Variants in TENM1 observed in about 807,000 individuals in gnomAD.
TENM1 encodes teneurin transmembrane protein 1.
In TENM1, 35 loss-of-function variants were observed where a neutral mutation model predicts 174.8. The observed-to-expected ratio is 0.20, with a 90% CI of 0.15 to 0.27. The LOEUF (loss-of-function observed/expected upper bound fraction) is 0.27. Among genes scored for constraint, TENM1 ranks in the 10% least tolerant of loss-of-function variants. The pLI, the probability that TENM1 is intolerant of heterozygous loss-of-function variation, is 1.00. For missense variants in TENM1, 1,633 were observed against 2,130.1 expected, an observed-to-expected ratio of 0.77 and a Z score of 4.59; for synonymous variants, 781 against 798.7, an observed-to-expected ratio of 0.98 and a Z score of 0.37.
chrX:124,924,149 C>T (rs969037894), intron 1 of TENM1, among the ~76,000 whole-genome samples: 1 of 111,896 alleles, frequency 8.9e-6, no homozygotes. Flanking sequence ...TTTCCATTTC[C>T]TTGTTTAATT....
chrX:125,096,791 C>G, the TENM1 span, among the ~76,000 whole-genome samples: 3 of 110,137 alleles, frequency 2.7e-5, no homozygotes, highest in Admixed American at 2.9e-4. Flanking sequence ...GTTATCCAGA[C>G]CTAACAAACA....
the TENM1 span, among the ~76,000 whole-genome samples, chrX:124,984,521 T>A: frequency 8.9e-6 from 1 of 112,150 alleles, no homozygotes; most frequent in Non-Finnish European, 1.9e-5. Flanking sequence ...TGGAGAGTGC[T>A]TTCCTTTGTT....
chrX:124,814,912 A>G (rs2055864604), intron 3 of TENM1, among the ~76,000 whole-genome samples: 1 of 112,012 alleles, frequency 8.9e-6, no homozygotes, highest in South Asian at 3.7e-4. Context: ...ACAGTATTTA[A>G]CATTTTCACT....
chrX:124,743,861 T>C (rs12390617), intron 3 of TENM1, among the ~76,000 whole-genome samples: 1,576 of 112,023 alleles, frequency 0.014, 19 homozygotes, highest in African/African-American at 0.047. Context: ...CTGATACTCA[T>C]CTTTAGAGGG....
chrX:124,564,802 G>C (rs1265868917), intron 12 of TENM1, among the ~76,000 whole-genome samples: 2 of 111,342 alleles, frequency 1.8e-5, no homozygotes, highest in East Asian at 5.6e-4. Flanking sequence ...TGTGAAATTA[G>C]CAATAAGGGG....
chrX:124,686,608 G>A (rs2052371486), intron 5 of TENM1, among the ~76,000 whole-genome samples: 1 of 111,586 alleles, frequency 9.0e-6, no homozygotes, highest in South Asian at 3.8e-4. Flanking sequence ...ATGCAAGGCT[G>A]GTTCAATATA....
intron 22 of TENM1, among the ~76,000 whole-genome samples, chrX:124,460,203 T>C (rs1195173040): frequency 1.8e-5 from 2 of 111,664 alleles, no homozygotes; most frequent in Non-Finnish European, 3.8e-5. Flanking sequence ...AGAAATACCA[T>C]TGGACCCAGC....
intron 3 of TENM1, among the ~76,000 whole-genome samples, chrX:124,764,295 G>C (rs2054489039): frequency 9.0e-6 from 1 of 111,667 alleles, no homozygotes; most frequent in Non-Finnish European, 1.9e-5. Flanking sequence ...GAACCAATTA[G>C]GTACCTTTTT....
At chrX:125,032,188 A>G in the TENM1 span, among the ~76,000 whole-genome samples, 1 of 104,022 alleles carries the variant, frequency 9.6e-6, no homozygotes, top group South Asian at 4.3e-4. Flanking sequence ...TTTTTTTTTG[A>G]GACGAAGTTT....
chrX:124,751,781 G>T (rs1181494655), intron 3 of TENM1, among the ~76,000 whole-genome samples: 2 of 107,315 alleles, frequency 1.9e-5, no homozygotes, highest in Non-Finnish European at 3.9e-5. Context: ...TGAGAATGAT[G>T]ATTTCCAATT....
Position 124,734,605 on chromosome X carries a change from G to C in TENM1, c.776+2352C>G, listed in dbSNP as rs185661960. Among the ~76,000 whole-genome samples the C allele has an allele frequency of 5.0e-3, 556 of 111,703 alleles. 4 individuals carry two copies. The highest frequency in any genetic ancestry group is 0.017 in the African/African-American group (520 of 30,771). ...ACCCTTTATGAAACCATTTAATCTG[G>C]TAAGTGATGGATGATACTGTTTCCT... is the stretch of plus-strand genomic sequence containing the variant. On this transcript the variant is annotated intron_variant, in intron 4 of 31. Transcript: ENST00000422452.
chrX:125,113,665 G>T, the TENM1 span, among the ~76,000 whole-genome samples: 31 of 110,581 alleles, frequency 2.8e-4, no homozygotes, highest in African/African-American at 9.9e-4. Context: ...AAAAGACGAA[G>T]GGCATTACAT....
intron 3 of TENM1, among the ~76,000 whole-genome samples, chrX:124,874,583 T>C (rs937547854): frequency 9.0e-6 from 1 of 110,906 alleles, no homozygotes; most frequent in South Asian, 3.8e-4. Context: ...GTTTTATTTA[T>C]GGCTTCTAGT....
At chrX:125,008,188 T>C in the TENM1 span, among the ~76,000 whole-genome samples, 1 of 109,070 alleles carries the variant, frequency 9.2e-6, no homozygotes, top group Non-Finnish European at 1.9e-5. Context: ...TGGAGAAAAA[T>C]TTACCCAGCA....
At chrX:124,471,419 A>C (rs62651883) in intron 22 of TENM1, among the ~76,000 whole-genome samples, 474 of 9,519 alleles carry the variant, frequency 0.05, 84 homozygotes, top group Middle Eastern at 0.14. Flanking sequence ...ATATATAGTA[A>C]TATATTATAT....
At chrX:124,796,408 A>AC (rs1303151604) in intron 3 of TENM1, among the ~76,000 whole-genome samples, 2 of 111,874 alleles carry the variant, frequency 1.8e-5, no homozygotes, top group Non-Finnish European at 3.8e-5. Context: ...GGCCATATGC[A>AC]CTACATTGCT....
exon 16 of TENM1, chrX:124,529,935 A>G: frequency 8.3e-7 from 1 of 1,210,762 alleles, no homozygotes; most frequent in Non-Finnish European, 1.1e-6. Flanking sequence ...CTCCCACTAG[A>G]GGAGTTCCAT....
intron 3 of TENM1, among the ~76,000 whole-genome samples, chrX:124,872,950 A>G (rs1456306152): frequency 1.8e-5 from 2 of 111,815 alleles, no homozygotes; most frequent in South Asian, 3.7e-4. Context: ...TATTTGCAGT[A>G]TAATAGATTT....
At chrX:124,589,234 A>T (rs1440874584) in intron 11 of TENM1, among the ~76,000 whole-genome samples, 2 of 110,604 alleles carry the variant, frequency 1.8e-5, no homozygotes, top group African/African-American at 6.6e-5. Context: ...CTTACGTCCC[A>T]GGGATGAAGC....
Sources: gnomAD v4.1 joint callset for allele counts (sites outside exome capture counted in the v4.1 genomes callset) on GRCh38, gnomAD v4.1.1 for gene constraint, MANE v1.5 for transcripts, NCBI Gene and HGNC (gene_info 2026-07-23, HGNC 2026-07-21) for gene names.